Variants in ZNF226 observed in about 807,000 individuals in gnomAD.
ZNF226 encodes Kruppel-associated box protein.
In ZNF226, 6 loss-of-function variants were observed where a neutral mutation model predicts 11.4. That is an observed-to-expected ratio of 0.53 (90% CI 0.29 to 1.04). ZNF226 has a LOEUF of 1.04. Ranked by LOEUF, ZNF226 falls within the 50% of genes least tolerant of loss-of-function variation. The pLI is 0.08. For synonymous variants in ZNF226, 350 were observed against 322.8 expected, an observed-to-expected ratio of 1.08 and a Z score of -0.90; for missense variants, 1,058 against 956.5, an observed-to-expected ratio of 1.11 and a Z score of -1.40.
At chr19:44,167,120 A>G (rs1466938857) in intron 2 of ZNF226, among the ~76,000 whole-genome samples, 1 of 152,164 alleles carries the variant, frequency 6.6e-6, no homozygotes, top group Non-Finnish European at 1.5e-5. Flanking sequence ...GGAGAAACTC[A>G]GAGTCCTGAA....
At position 44,176,813 on chromosome 19, in the gene ZNF226, T is replaced by C. The variant is rs1455864756; in HGVS notation, c.1551T>C (p.His517=). 2.5e-6 allele frequency: 4 copies of C among 1,613,712 alleles called. No individual in the cohort carries two copies. In the African/African-American group the frequency reaches 5.3e-5, roughly 22 times the overall value. ...GGAAGAGCTTCAGGAGGAATTCCCATTATCAAGTTCATCTAGTGGTCCACA... is the reference window on the plus strand; with the variant it reads ...GGAAGAGCTTCAGGAGGAATTCCCACTATCAAGTTCATCTAGTGGTCCACA... ...ECGKSFRRNS[H]YQVHLVVHTG... The change falls in exon 6 of 6, where the codon CAT becomes CAC. Residue 517 remains histidine (H), a synonymous_variant. Coordinates refer to ENST00000337433, the MANE Select transcript of ZNF226 (RefSeq NM_001032373.2).
At chr19:44,197,334 A>G in the ZNF226 span, among the ~76,000 whole-genome samples, 1 of 152,246 alleles carries the variant, frequency 6.6e-6, no homozygotes, top group East Asian at 1.9e-4. Context: ...TTACACTCTT[A>G]CAAGGACCGT....
downstream of ZNF226, among the ~76,000 whole-genome samples, chr19:44,183,356 G>C (rs1361303950): frequency 6.6e-6 from 1 of 152,176 alleles, no homozygotes; most frequent in Non-Finnish European, 1.5e-5. Flanking sequence ...TCAGAATGCA[G>C]AATTGCACCA....
downstream of ZNF226, among the ~76,000 whole-genome samples, chr19:44,180,739 G>A (rs1168584179): frequency 6.6e-6 from 1 of 152,134 alleles, no homozygotes; most frequent in Non-Finnish European, 1.5e-5. Flanking sequence ...AGAAAAACGT[G>A]TACTAAGCCT....
At chr19:44,190,289 G>C in the ZNF226 span, among the ~76,000 whole-genome samples, 1 of 151,848 alleles carries the variant, frequency 6.6e-6, no homozygotes, top group Non-Finnish European at 1.5e-5. Context: ...ATTTACATAA[G>C]AGCAGCAAGA....
downstream of ZNF226, among the ~76,000 whole-genome samples, chr19:44,181,718 C>T (rs996184763): frequency 1.4e-4 from 21 of 152,212 alleles, no homozygotes; most frequent in Admixed American, 1.2e-3. Context: ...CATCTCTTGC[C>T]GTTAGAAGGA....
chr19:44,186,790 T>C, the ZNF226 span, among the ~76,000 whole-genome samples: 1 of 151,968 alleles, frequency 6.6e-6, no homozygotes. Flanking sequence ...TCAGTATTTC[T>C]CCATTGAATA....
Position 44,176,186 on chromosome 19 carries a change from G to A in ZNF226, c.924G>A (p.Lys308=). ...AAGTACATGTGGGAGAAAAACTTAA[G>A]TGTGATGAGTGTGGTAAGGAATTCA... ...HQKVHVGEKL[K]CDECGKEFSQ... The change falls in exon 6 of 6, where the codon AAG becomes AAA. Residue 308 remains lysine (K), a synonymous_variant. Transcript: ENST00000337433. 2 of 1,614,170 alleles carry A rather than the reference G, an allele frequency of 1.2e-6. No homozygotes were observed. Among genetic ancestry groups the A allele is most frequent in the Non-Finnish European group, 1.7e-6 (2 of 1,180,046 alleles).
rs1021151986 is a variant in ZNF226, at chr19:44,172,856, A to G, written c.143-4A>G. On this transcript the variant is annotated splice_polypyrimidine_tract_variant and splice_region_variant and intron_variant, in intron 4 of 5. Coordinates refer to ENST00000337433, the MANE Select transcript of ZNF226 (RefSeq NM_001032373.2). ...TTTCAACTTGTGATTTGGCATTTTC[A>G]CAGGGCATCCACCCTTCAAACAAGA... The G allele has an allele frequency of 6.3e-7, 1 of 1,592,668 alleles. No individual in the cohort carries two copies.
intron 5 of ZNF226, chr19:44,173,297 C>G: frequency 2.8e-6 from 1 of 359,558 alleles, no homozygotes. Flanking sequence ...TCTATACTCT[C>G]TTTCTGTGAA....
At chr19:44,182,548 C>T (rs938695537), downstream of ZNF226, among the ~76,000 whole-genome samples, 2 of 152,144 alleles carry the variant, frequency 1.3e-5, no homozygotes, top group Admixed American at 1.3e-4. Flanking sequence ...AACCCTTGTA[C>T]TCTGGGAAGA....
chr19:44,185,678 T>A, the ZNF226 span, among the ~76,000 whole-genome samples: 1 of 152,282 alleles, frequency 6.6e-6, no homozygotes, highest in Admixed American at 6.5e-5. Flanking sequence ...ATCAGATATA[T>A]AACTTGCAAT....
At chr19:44,195,005 C>G in the ZNF226 span, among the ~76,000 whole-genome samples, 7 of 152,098 alleles carry the variant, frequency 4.6e-5, no homozygotes, top group Admixed American at 2.0e-4. Flanking sequence ...GCCAGGCTTG[C>G]AGAGCAAACA....
chr19:44,174,222 G>A (rs892702573), intron 5 of ZNF226: 6 of 152,082 alleles, frequency 3.9e-5, no homozygotes, highest in African/African-American at 1.4e-4. Context: ...AACCTATAGT[G>A]TCATAGTTGT....
intron 2 of ZNF226, among the ~76,000 whole-genome samples, chr19:44,169,389 AGTTCAGT>A (rs1969808667): frequency 6.6e-6 from 1 of 152,134 alleles, no homozygotes; most frequent in African/African-American, 2.4e-5. Context: ...CGGTTTTATT[AGTTCAGT>A]GTTGGCAAAT....
chr19:44,195,864 T>C, the ZNF226 span, among the ~76,000 whole-genome samples: 4 of 152,326 alleles, frequency 2.6e-5, no homozygotes, highest in Non-Finnish European at 5.9e-5. Flanking sequence ...CTATAATCAA[T>C]TGAATGAAGA....
At chr19:44,166,376 C>G (rs1969375011) in intron 2 of ZNF226, among the ~76,000 whole-genome samples, 1 of 152,146 alleles carries the variant, frequency 6.6e-6, no homozygotes, top group Admixed American at 6.5e-5. Context: ...TGGCCAACAC[C>G]TGTAATCCCA....
chr19:44,175,779 T>C lies in ZNF226; in HGVS notation c.517T>C (p.Trp173Arg). The change falls in exon 6 of 6, where the codon TGG (tryptophan) becomes CGG (arginine). Residue 173 changes from tryptophan (W) to arginine (R), a missense_variant. Coordinates refer to ENST00000337433, the MANE Select transcript of ZNF226 (RefSeq NM_001032373.2). ...TCCTATCTTGAGAACCCAGGATTCT[T>C]GGAGGAAAACATTCCTGACTGAGTC... ...EFPILRTQDS[W>R]RKTFLTESQR... 4.3e-6 allele frequency: 7 copies of C among 1,613,674 alleles called. No homozygotes were observed. The highest frequency in any genetic ancestry group is 5.9e-6 in the Non-Finnish European group (7 of 1,179,764).
At position 44,176,419 on chromosome 19, in the gene ZNF226, C is replaced by A. The variant is rs750583437; in HGVS notation, c.1157C>A (p.Thr386Asn). 5.3e-5 allele frequency: 85 copies of A among 1,613,954 alleles called. No individual in the cohort carries two copies. Among genetic ancestry groups the A allele is most frequent in the Non-Finnish European group, 6.9e-5 (82 of 1,180,002 alleles). The part of the protein sequence containing the change: ...SHLQDHQRLH[T>N]GEKPFKCDAC... ...CTTCAGGACCATCAGAGACTCCACACTGGGGAGAAGCCATTCAAATGTGAT... is the reference window on the plus strand; with the variant it reads ...CTTCAGGACCATCAGAGACTCCACAATGGGGAGAAGCCATTCAAATGTGAT... Residue 386 changes from threonine (T) to asparagine (N), a missense_variant, in exon 6 of 6, where the codon ACT becomes AAT. Thr to Asn is a moderately conservative substitution (Grantham distance 65). Transcript: ENST00000337433.
Sources: gnomAD v4.1 joint callset for allele counts (sites outside exome capture counted in the v4.1 genomes callset) on GRCh38, gnomAD v4.1.1 for gene constraint, MANE v1.5 for transcripts, NCBI Gene and HGNC (gene_info 2026-07-23, HGNC 2026-07-21) for gene names.